The following VWC2 variants were observed in gnomAD, a reference collection of about 807,000 sequenced individuals.
VWC2 encodes von Willebrand factor C domain containing 2.
Under a neutral mutation model 29.8 loss-of-function variants are expected in VWC2, and 14 were observed. The ratio of observed to expected loss-of-function variants is 0.47; its 90% CI spans 0.31 to 0.74. VWC2 has a LOEUF of 0.74. Among genes scored for constraint, VWC2 ranks in the 30% least tolerant of loss-of-function variants. The pLI, the probability that VWC2 is intolerant of heterozygous loss-of-function variation, is 0.05. For missense variants in VWC2, 457 were observed against 459.8 expected, an observed-to-expected ratio of 0.99 and a Z score of 0.05; for synonymous variants, 213 against 199.0, an observed-to-expected ratio of 1.07 and a Z score of -0.59.
chr7:49,843,629 C>T (rs1486672261), intron 3 of VWC2, among the ~76,000 whole-genome samples: 1 of 152,106 alleles, frequency 6.6e-6, no homozygotes, highest in African/African-American at 2.4e-5. Context: ...ATGTCCACAA[C>T]GTAGGTAAAG....
At chr7:49,791,338 G>A (rs1788458684) in intron 2 of VWC2, among the ~76,000 whole-genome samples, 1 of 152,220 alleles carries the variant, frequency 6.6e-6, no homozygotes, top group African/African-American at 2.4e-5. Flanking sequence ...GCTACGCGGA[G>A]AGACTGCTTT....
rs1793639088 is a variant in VWC2 at position 49,914,959 on chromosome 7, A to C, written c.*2774A>C. ...TGTTAAATGATTTGTTCAAGTTAAT[A>C]AACTAAATCGTGCTTACAAATGTAT... On this transcript the variant is annotated 3_prime_UTR_variant, in exon 4 of 4. Transcript: ENST00000340652. 6.6e-6 allele frequency: 1 copy of C among 152,224 alleles called. No homozygotes were observed. Among genetic ancestry groups the C allele is most frequent in the Non-Finnish European group, 1.5e-5 (1 of 68,032 alleles). The allele number at this position is 152,224 out of a possible 1,614,324, so 9.4% of individuals were successfully genotyped here.
At chr7:49,825,362 GT>G (rs1014782636) in intron 3 of VWC2, among the ~76,000 whole-genome samples, 1 of 152,098 alleles carries the variant, frequency 6.6e-6, no homozygotes, top group Non-Finnish European at 1.5e-5. Flanking sequence ...CATTTCTTTA[GT>G]TTTTTCTCCT....
intron 3 of VWC2, among the ~76,000 whole-genome samples, chr7:49,839,302 C>T (rs1161271150): frequency 6.6e-6 from 1 of 152,118 alleles, no homozygotes; most frequent in Non-Finnish European, 1.5e-5. Context: ...CCTGTGTGTC[C>T]CCTGAGGTCT....
At chr7:49,876,529 T>C (rs917418171) in intron 3 of VWC2, among the ~76,000 whole-genome samples, 2 of 152,220 alleles carry the variant, frequency 1.3e-5, no homozygotes, top group Non-Finnish European at 2.9e-5. Context: ...TTCAGGGATA[T>C]GCTGCTGACA....
At position 49,869,888 on chromosome 7, in the gene VWC2, G is replaced by C. The variant is rs193224082; in HGVS notation, c.827-42146G>C. ...TCAGAAAAGAATGGATTAACAAACT[G>C]TGGCCTATTCATACAGCAGATGTCA... On this transcript the variant is annotated intron_variant, in intron 3 of 3. Coordinates refer to ENST00000340652, the MANE Select transcript of VWC2 (RefSeq NM_198570.5). Among the ~76,000 whole-genome samples, 9 of 152,234 alleles carry C rather than the reference G, an allele frequency of 5.9e-5. No individual in the cohort carries two copies. In the South Asian group the frequency reaches 1.7e-3, roughly 28 times the overall value.
At chr7:49,823,490 G>A (rs1789313942) in intron 3 of VWC2, among the ~76,000 whole-genome samples, 1 of 152,170 alleles carries the variant, frequency 6.6e-6, no homozygotes, top group African/African-American at 2.4e-5. Flanking sequence ...AGCGGGGTGG[G>A]GTGAGCTTGG....
chr7:49,879,615 T>G (rs2128726588), intron 3 of VWC2, among the ~76,000 whole-genome samples: 1 of 152,306 alleles, frequency 6.6e-6, no homozygotes, highest in South Asian at 2.1e-4. Flanking sequence ...GCTCGTGGCA[T>G]TCACAGGCAA....
At chr7:49,908,530 A>G (rs1793227126) in intron 3 of VWC2, among the ~76,000 whole-genome samples, 1 of 152,192 alleles carries the variant, frequency 6.6e-6, no homozygotes, top group Admixed American at 6.5e-5. Context: ...ATTATAATTA[A>G]TATTATGAAT....
At chr7:49,829,956 G>A (rs1789487898) in intron 3 of VWC2, among the ~76,000 whole-genome samples, 1 of 152,158 alleles carries the variant, frequency 6.6e-6, no homozygotes, top group Admixed American at 6.5e-5. Context: ...TTGGGTTATT[G>A]TAATTTTTTC....
chr7:49,848,365 C>G (rs1261595907), intron 3 of VWC2, among the ~76,000 whole-genome samples: 2 of 152,210 alleles, frequency 1.3e-5, no homozygotes, highest in African/African-American at 4.8e-5. Flanking sequence ...TCCCCACTGA[C>G]AAGAGGAAGC....
intron 3 of VWC2, among the ~76,000 whole-genome samples, chr7:49,880,287 TTAATA>T (rs1322219483): frequency 6.6e-6 from 1 of 152,178 alleles, no homozygotes; most frequent in African/African-American, 2.4e-5. Context: ...CTTGCATTTC[TTAATA>T]TATCATTTTG....
At chr7:49,907,317 T>C (rs1793156972) in intron 3 of VWC2, among the ~76,000 whole-genome samples, 1 of 152,178 alleles carries the variant, frequency 6.6e-6, no homozygotes, top group African/African-American at 2.4e-5. Context: ...GACCTGACTC[T>C]ATATGCCAGT....
intron 1 of VWC2, 87 bp downstream of exon 1, chr7:49,774,200 C>G (rs1235003388): frequency 2.0e-5 from 3 of 152,954 alleles, no homozygotes; most frequent in African/African-American, 7.2e-5. Context: ...TGGGTTCAGC[C>G]GCTCAGCTGC....
chr7:49,841,002 T>A (rs1789781180), intron 3 of VWC2, among the ~76,000 whole-genome samples: 1 of 152,224 alleles, frequency 6.6e-6, no homozygotes, highest in South Asian at 2.1e-4. Context: ...AAGGAATACC[T>A]TTTTCAAGAT....
intron 3 of VWC2, among the ~76,000 whole-genome samples, chr7:49,896,778 C>T (rs1350206256): frequency 1.3e-5 from 2 of 151,368 alleles, no homozygotes; most frequent in East Asian, 3.9e-4. Flanking sequence ...ATAAATTTAA[C>T]AAGTAAGAAG....
At chr7:49,900,210 C>G (rs1294464772) in intron 3 of VWC2, among the ~76,000 whole-genome samples, 1 of 151,512 alleles carries the variant, frequency 6.6e-6, no homozygotes, top group Non-Finnish European at 1.5e-5. Context: ...GCATTGAATG[C>G]ATAAATTAGA....
intron 3 of VWC2, among the ~76,000 whole-genome samples, chr7:49,806,845 A>G (rs528241371): frequency 1.6e-4 from 24 of 152,238 alleles, no homozygotes; most frequent in Non-Finnish European, 2.9e-4. Flanking sequence ...TTACCAAGGA[A>G]ATAATACAAA....
In VWC2 at chr7:49,842,158, G is replaced by A. The variant is rs139774471; in HGVS notation, c.826+39318G>A. On this transcript the variant is annotated intron_variant, in intron 3 of 3. Coordinates refer to ENST00000340652, the MANE Select transcript of VWC2 (RefSeq NM_198570.5). ...GCTGGGATTAGATGTGTGAGCCACC[G>A]CGCCTGGCCAATTCAACTCTTTTAA... Among the ~76,000 whole-genome samples, 486 of 152,186 alleles carry A rather than the reference G, an allele frequency of 3.2e-3. 2 individuals carry two copies. The highest frequency in any genetic ancestry group is 0.011 in the African/African-American group (444 of 41,522).
Sources: gnomAD v4.1 joint callset for allele counts (sites outside exome capture counted in the v4.1 genomes callset) on GRCh38, gnomAD v4.1.1 for gene constraint, MANE v1.5 for transcripts, NCBI Gene and HGNC (gene_info 2026-07-23, HGNC 2026-07-21) for gene names.